The following FUT9 variants were observed in gnomAD, a reference collection of about 807,000 sequenced individuals.
The protein encoded by FUT9 is 4-galactosyl-N-acetylglucosaminide 3-alpha-L-fucosyltransferase 9.
FUT9 carries 15 observed loss-of-function variants against 29.7 expected under a neutral mutation model. The ratio of observed to expected loss-of-function variants is 0.51; its 90% CI spans 0.34 to 0.78. FUT9 has a LOEUF of 0.78. FUT9 is among the 30% of genes least tolerant of loss of function. The pLI is 0.01. For synonymous variants in FUT9, 169 were observed against 153.7 expected, an observed-to-expected ratio of 1.10 and a Z score of -0.74; for missense variants, 319 against 425.4, an observed-to-expected ratio of 0.75 and a Z score of 2.20.
chr6:96,124,162 T>TC (rs1363087543), intron 2 of FUT9, among the ~76,000 whole-genome samples: 1 of 149,832 alleles, frequency 6.7e-6, no homozygotes, highest in African/African-American at 2.5e-5. Context: ...TCTTTTTTTT[T>TC]TTTTTTTGAG....
At position 96,017,014 on chromosome 6, in the gene FUT9, C is replaced by A. The variant is rs557619229; in HGVS notation, c.-98+802C>A. 2.6e-5 allele frequency among the ~76,000 whole-genome samples: 4 copies of A among 152,248 alleles called. No homozygotes were observed. In the East Asian group the frequency reaches 7.7e-4, roughly 29 times the overall value. Reference sequence around the variant, plus strand: ...TCTTAGCTGAGTACAGGAAATACACCTATTTTACCTGTTCCTGCGGAATTG... The same window carrying A: ...TCTTAGCTGAGTACAGGAAATACACATATTTTACCTGTTCCTGCGGAATTG... On this transcript the variant is annotated intron_variant, in intron 1 of 2. Transcript: ENST00000302103.
At chr6:96,099,621 T>C (rs1487151477) in intron 1 of FUT9, among the ~76,000 whole-genome samples, 1 of 152,172 alleles carries the variant, frequency 6.6e-6, no homozygotes, top group Non-Finnish European at 1.5e-5. Flanking sequence ...CAATCTTCTA[T>C]ATAAAATTTA....
chr6:96,074,053 G>A (rs1232381298), intron 1 of FUT9, among the ~76,000 whole-genome samples: 1 of 152,076 alleles, frequency 6.6e-6, no homozygotes, highest in East Asian at 1.9e-4. Context: ...CTACTAGTGA[G>A]AAGGTTGCAA....
intron 2 of FUT9, among the ~76,000 whole-genome samples, chr6:96,184,810 G>C (rs778091843): frequency 7.9e-5 from 12 of 152,040 alleles, no homozygotes; most frequent in Non-Finnish European, 1.5e-4. Context: ...GCTGTGGTCT[G>C]AGAGAGAAGC....
At chr6:96,046,221 G>GCACACACA (rs139036869) in intron 1 of FUT9, among the ~76,000 whole-genome samples, 3,217 of 148,142 alleles carry the variant, frequency 0.022, 70 homozygotes, top group African/African-American at 0.057. Context: ...ACACAGATAT[G>GCACACACA]CACACACACA....
At chr6:96,026,125 A>C (rs1405805960) in intron 1 of FUT9, among the ~76,000 whole-genome samples, 1 of 151,740 alleles carries the variant, frequency 6.6e-6, no homozygotes, top group African/African-American at 2.4e-5. Flanking sequence ...AGTTCAAAAC[A>C]AAAGCAGTCA....
intron 1 of FUT9, among the ~76,000 whole-genome samples, chr6:96,113,448 A>G (rs988272343): frequency 8.6e-5 from 13 of 150,308 alleles, no homozygotes; most frequent in African/African-American, 3.2e-4. Flanking sequence ...CATGTTGGCC[A>G]AGCTGGTCTT....
chr6:96,092,306 A>T (rs1771424423), intron 1 of FUT9, among the ~76,000 whole-genome samples: 1 of 152,154 alleles, frequency 6.6e-6, no homozygotes, highest in South Asian at 2.1e-4. Flanking sequence ...GGAGAATGAT[A>T]CTTATCCTAT....
chr6:96,201,182 C>T (rs1773720505), intron 2 of FUT9, among the ~76,000 whole-genome samples: 1 of 151,780 alleles, frequency 6.6e-6, no homozygotes, highest in Non-Finnish European at 1.5e-5. Flanking sequence ...TTTATGAATT[C>T]CATTTCTTTA....
intron 1 of FUT9, among the ~76,000 whole-genome samples, chr6:96,057,722 A>T (rs570113620): frequency 1.3e-5 from 2 of 152,346 alleles, no homozygotes; most frequent in East Asian, 3.9e-4. Context: ...TCTTATATGC[A>T]TAGGAGCCTG....
chr6:96,160,079 G>C, intron 2 of FUT9, among the ~76,000 whole-genome samples: 1 of 152,104 alleles, frequency 6.6e-6, no homozygotes, highest in East Asian at 1.9e-4. Context: ...AAGATAAAAC[G>C]TTTTAGACTT....
chr6:96,144,181 C>T (rs937519694), intron 2 of FUT9, among the ~76,000 whole-genome samples: 3 of 151,310 alleles, frequency 2.0e-5, no homozygotes, highest in Non-Finnish European at 2.9e-5. Flanking sequence ...GTGACTCCTG[C>T]TTTTGGGGGA....
chr6:96,050,489 G>C (rs534828082), intron 1 of FUT9, among the ~76,000 whole-genome samples: 2 of 152,310 alleles, frequency 1.3e-5, no homozygotes, highest in South Asian at 4.1e-4. Context: ...TAACAGAAGA[G>C]TTGTTTTCCT....
chr6:96,113,772 T>C (rs1335510767), intron 1 of FUT9, among the ~76,000 whole-genome samples: 1 of 149,630 alleles, frequency 6.7e-6, no homozygotes, highest in African/African-American at 2.5e-5. Context: ...GAGAATGTCG[T>C]GAACCAGGGA....
At position 96,211,315 on chromosome 6, in the gene FUT9, T is replaced by A. The variant is rs9386384; in HGVS notation, c.*7080T>A. ...CCCTGTTATGAGCAATCAGTAAATT[T>A]GTAGTCAATTTAACTTATTATCAGT... On this transcript the variant is annotated 3_prime_UTR_variant, in exon 3 of 3. Coordinates refer to ENST00000302103, the MANE Select transcript of FUT9 (RefSeq NM_006581.4). 0.92 allele frequency: 153,476 copies of A among 166,778 alleles called. 72,025 individuals are homozygous for A. The highest frequency in any genetic ancestry group is 1 in the Non-Finnish European group (67,844 of 67,972). 10.3% of individuals were successfully genotyped at this position (166,778 alleles called of 1,614,324 possible).
intron 2 of FUT9, among the ~76,000 whole-genome samples, chr6:96,123,678 G>A (rs1772075467): frequency 1.3e-5 from 2 of 152,090 alleles, no homozygotes; most frequent in Non-Finnish European, 2.9e-5. Flanking sequence ...ATAGTTTCTG[G>A]AACTGTCATT....
intron 1 of FUT9, among the ~76,000 whole-genome samples, chr6:96,089,797 G>C (rs1771380691): frequency 6.6e-6 from 1 of 152,130 alleles, no homozygotes; most frequent in Non-Finnish European, 1.5e-5. Context: ...AGCTATAAAA[G>C]TGTGGCCTCT....
At chr6:96,050,847 T>G (rs552663313) in intron 1 of FUT9, among the ~76,000 whole-genome samples, 2 of 152,208 alleles carry the variant, frequency 1.3e-5, no homozygotes, top group South Asian at 4.1e-4. Context: ...CAATGCAGTT[T>G]ACTTAATTTA....
At chr6:96,051,485 TA>T (rs1394613607) in intron 1 of FUT9, among the ~76,000 whole-genome samples, 4 of 149,900 alleles carry the variant, frequency 2.7e-5, no homozygotes, top group African/African-American at 2.5e-5. Context: ...ACCCCAACTC[TA>T]AAAAAAAATG....
Sources: gnomAD v4.1 joint callset for allele counts (sites outside exome capture counted in the v4.1 genomes callset) on GRCh38, gnomAD v4.1.1 for gene constraint, MANE v1.5 for transcripts, NCBI Gene and HGNC (gene_info 2026-07-23, HGNC 2026-07-21) for gene names.